The following RBFOX1 variants were observed in gnomAD, a reference collection of about 807,000 sequenced individuals.
RBFOX1 encodes the protein RNA binding fox-1 homolog 1.
RBFOX1 carries 8 observed loss-of-function variants against 57.7 expected under a neutral mutation model. That is an observed-to-expected ratio of 0.14 (90% confidence interval 0.08 to 0.25). The LOEUF is 0.25. Ranked by LOEUF, RBFOX1 falls within the 10% of genes least tolerant of loss-of-function variation. The pLI, the probability that RBFOX1 is intolerant of heterozygous loss-of-function variation, is 1.00. For synonymous variants in RBFOX1, 326 were observed against 222.4 expected, an observed-to-expected ratio of 1.47 and a Z score of -4.15; for missense variants, 611 against 548.5, an observed-to-expected ratio of 1.11 and a Z score of -1.14.
intron 1 of RBFOX1, among the ~76,000 whole-genome samples, chr16:6,055,385 G>C (rs1301027995): frequency 6.6e-6 from 1 of 151,804 alleles, no homozygotes; most frequent in Non-Finnish European, 1.5e-5. Context: ...TTGAGGTCAG[G>C]AGTTCTAGAC....
intron 3 of RBFOX1, among the ~76,000 whole-genome samples, chr16:5,841,058 C>G (rs981492855): frequency 1.3e-5 from 2 of 152,138 alleles, no homozygotes. Context: ...GCAAGCTCTC[C>G]CTAGTGGAGC....
Position 6,020,011 on chromosome 16 carries a change from A to T in RBFOX1, c.-127+19A>T. On this transcript the variant is annotated intron_variant, in intron 1 of 15. Transcript: ENST00000550418. ...GTTCTAGGTAAGTCCAGGCGGAGTC[A>T]TTGCCTCTGCACCCACCCTGACCTG... 6.6e-7 allele frequency: 1 copy of T among 1,507,130 alleles called. No individual in the cohort carries two copies. Among genetic ancestry groups the T allele is most frequent in the Non-Finnish European group, 8.9e-7 (1 of 1,127,656 alleles). The allele number at this position is 1,507,130 out of a possible 1,614,324, so 93.4% of individuals were successfully genotyped here.
At chr16:6,768,270 T>C (rs953685530) in intron 3 of RBFOX1, among the ~76,000 whole-genome samples, 25 of 152,266 alleles carry the variant, frequency 1.6e-4, no homozygotes, top group Admixed American at 6.5e-4. Context: ...TTTTTCCTGT[T>C]TTTGCTTTTT....
chr16:5,985,616 G>A (rs2060270544), intron 4 of RBFOX1, among the ~76,000 whole-genome samples: 1 of 152,174 alleles, frequency 6.6e-6, no homozygotes, highest in Non-Finnish European at 1.5e-5. Context: ...AGCCCCCAGG[G>A]GAGGGGGAGC....
chr16:5,632,669 G>C (rs2048553301), intron 3 of RBFOX1: 1 of 152,190 alleles, frequency 6.6e-6, no homozygotes, highest in Non-Finnish European at 1.5e-5. Context: ...TTGTTTTGGA[G>C]CCTATAAGGG....
At chr16:5,903,147 C>T (rs2058349806) in intron 4 of RBFOX1, among the ~76,000 whole-genome samples, 1 of 151,952 alleles carries the variant, frequency 6.6e-6, no homozygotes. Flanking sequence ...TGTATGTATG[C>T]ATGTCTGTAT....
At chr16:5,895,453 C>G (rs957042162) in intron 4 of RBFOX1, among the ~76,000 whole-genome samples, 1 of 152,220 alleles carries the variant, frequency 6.6e-6, no homozygotes, top group African/African-American at 2.4e-5. Flanking sequence ...CTCTGTGTCA[C>G]TGACTGAAGA....
intron 4 of RBFOX1, among the ~76,000 whole-genome samples, chr16:7,417,528 T>TTGTGTGTGTGTTTGTGTGTGTG (rs1555882380): frequency 7.3e-5 from 5 of 68,388 alleles, no homozygotes; most frequent in African/African-American, 1.8e-4. Flanking sequence ...TCACATGGTA[T>TTGTGTGTGTGTTTGTGTGTGTG]TGTGTGTGTG....
rs540244032 is a variant in RBFOX1 at position 7,062,249 on chromosome 16, A to G, written c.27+10151A>G. ...CAGGAGAATGCCGTGAACCGAGATC[A>G]TGAGGTTGCAGTGAGCCGAGATCAT... is the stretch of plus-strand genomic sequence containing the variant. On this transcript the variant is annotated intron_variant, in intron 4 of 15. Coordinates refer to ENST00000550418, the MANE Select transcript of RBFOX1 (RefSeq NM_018723.4). Among the ~76,000 whole-genome samples, 13 of 146,154 alleles carry G rather than the reference A, an allele frequency of 8.9e-5. No homozygotes were observed. The East Asian group carries it at 1.5e-3, about 17-fold the overall frequency.
chr16:7,204,780 C>A (rs1179539257), intron 4 of RBFOX1, among the ~76,000 whole-genome samples: 2 of 152,170 alleles, frequency 1.3e-5, no homozygotes, highest in African/African-American at 4.8e-5. Flanking sequence ...TTTCTCTTTT[C>A]CTTCTTTTCT....
At chr16:5,876,752 G>T (rs531623568) in intron 4 of RBFOX1, among the ~76,000 whole-genome samples, 1 of 152,218 alleles carries the variant, frequency 6.6e-6, no homozygotes, top group South Asian at 2.1e-4. Context: ...GTGCTCCCGG[G>T]CTCATACTTC....
intron 2 of RBFOX1, among the ~76,000 whole-genome samples, chr16:6,412,334 G>A (rs769327596): frequency 4.6e-5 from 7 of 152,126 alleles, no homozygotes; most frequent in South Asian, 4.1e-4. Context: ...AATATAATGC[G>A]CTGGTAGATT....
chr16:6,106,981 C>T (rs561360231), intron 1 of RBFOX1, among the ~76,000 whole-genome samples: 4 of 152,274 alleles, frequency 2.6e-5, no homozygotes, highest in Admixed American at 6.5e-5. Flanking sequence ...ACCCCTCCTT[C>T]TTTTAAAAAA....
chr16:7,098,551 A>G (rs1174149990), intron 4 of RBFOX1, among the ~76,000 whole-genome samples: 1 of 152,216 alleles, frequency 6.6e-6, no homozygotes, highest in Non-Finnish European at 1.5e-5. Flanking sequence ...TGTAACACAC[A>G]CACATCAGCA....
intron 1 of RBFOX1, chr16:6,057,187 G>T (rs1407536086): frequency 6.6e-6 from 1 of 152,076 alleles, no homozygotes; most frequent in African/African-American, 2.4e-5. Context: ...TTGCATGGAG[G>T]CTAAGTACTA....
intron 1 of RBFOX1, among the ~76,000 whole-genome samples, chr16:5,443,281 C>G (rs1390100161): frequency 1.3e-5 from 2 of 152,170 alleles, no homozygotes; most frequent in Non-Finnish European, 2.9e-5. Context: ...GGTCACCTGA[C>G]TAGGAAATCA....
intron 3 of RBFOX1, chr16:6,721,959 C>G (rs1316682187): frequency 6.5e-6 from 1 of 153,716 alleles, no homozygotes; most frequent in Admixed American, 6.6e-5. Flanking sequence ...TTCCTGCTCC[C>G]TCGCCCTGTC....
At chr16:7,285,497 T>C (rs1393465580) in intron 4 of RBFOX1, among the ~76,000 whole-genome samples, 1 of 152,094 alleles carries the variant, frequency 6.6e-6, no homozygotes, top group Admixed American at 6.6e-5. Context: ...AACAAACATT[T>C]CCATCACCAC....
chr16:6,960,208 A>C (rs2082671285), intron 3 of RBFOX1, among the ~76,000 whole-genome samples: 1 of 152,152 alleles, frequency 6.6e-6, no homozygotes, highest in Non-Finnish European at 1.5e-5. Context: ...GAGAAGGATA[A>C]TCATCCCAGC....
Sources: gnomAD v4.1 joint callset for allele counts (sites outside exome capture counted in the v4.1 genomes callset) on GRCh38, gnomAD v4.1.1 for gene constraint, MANE v1.5 for transcripts, NCBI Gene and HGNC (gene_info 2026-07-23, HGNC 2026-07-21) for gene names.